Variants in XYLT1 observed in about 807,000 individuals in gnomAD.
XYLT1 encodes the protein beta-D-xylosyltransferase 1.
Under a neutral mutation model 91.3 loss-of-function variants are expected in XYLT1, and 36 were observed. The ratio of observed to expected loss-of-function variants is 0.39; its 90% confidence interval spans 0.30 to 0.52. The LOEUF is 0.52. Ranked by LOEUF, XYLT1 falls within the 20% of genes least tolerant of loss-of-function variation. The pLI is 0.68. For synonymous variants in XYLT1, 588 were observed against 532.0 expected (o/e 1.11, Z -1.45); for missense variants, 1,242 against 1,284.5 (o/e 0.97, Z 0.51).
At chr16:17,223,052 G>C (rs1052291325) in intron 3 of XYLT1, among the ~76,000 whole-genome samples, 16 of 145,584 alleles carry the variant, frequency 1.1e-4, no homozygotes, top group African/African-American at 3.8e-4. Context: ...AAAAAAAAAA[G>C]AAAGGCTGAC....
At chr16:17,468,159 C>T (rs751852665) in intron 1 of XYLT1, among the ~76,000 whole-genome samples, 4 of 152,118 alleles carry the variant, frequency 2.6e-5, no homozygotes, top group Admixed American at 2.0e-4. Context: ...CATGGAAGGG[C>T]AGGAACTGGG....
chr16:17,320,910 G>C (rs1269516181), intron 2 of XYLT1, among the ~76,000 whole-genome samples: 3 of 151,962 alleles, frequency 2.0e-5, no homozygotes, highest in East Asian at 3.9e-4. Context: ...AAAGGACTTC[G>C]GTAAAATATA....
chr16:17,412,222 G>T (rs2036118847), intron 1 of XYLT1, among the ~76,000 whole-genome samples: 3 of 152,028 alleles, frequency 2.0e-5, no homozygotes, highest in African/African-American at 7.2e-5. Context: ...GGTGCAGTTT[G>T]TTCTCACAGC....
At chr16:17,148,610 C>T (rs998966937) in intron 6 of XYLT1, among the ~76,000 whole-genome samples, 4 of 152,208 alleles carry the variant, frequency 2.6e-5, no homozygotes, top group African/African-American at 9.6e-5. Flanking sequence ...CCTTCTAACA[C>T]ACATTTAACA....
intron 2 of XYLT1, among the ~76,000 whole-genome samples, chr16:17,309,849 T>C (rs1161723056): frequency 3.3e-5 from 5 of 152,208 alleles, no homozygotes; most frequent in Non-Finnish European, 7.3e-5. Flanking sequence ...ATCATGCTTC[T>C]TGCTTGTGAA....
At chr16:17,197,898 T>C (rs1408451389) in intron 5 of XYLT1, 4 of 354,646 alleles carry the variant, frequency 1.1e-5, no homozygotes, top group Non-Finnish European at 1.5e-5. Flanking sequence ...TCTTTATATA[T>C]ACACCTATCC....
intron 2 of XYLT1, among the ~76,000 whole-genome samples, chr16:17,293,297 A>G (rs890756956): frequency 4.6e-5 from 7 of 152,084 alleles, no homozygotes; most frequent in African/African-American, 1.7e-4. Context: ...TTAACACCCA[A>G]CAACTAGTAT....
chr16:17,167,790 G>A (rs1325531357), intron 5 of XYLT1, among the ~76,000 whole-genome samples: 1 of 151,786 alleles, frequency 6.6e-6, no homozygotes, highest in Non-Finnish European at 1.5e-5. Flanking sequence ...TCTCGTGAAT[G>A]GATTCTAATT....
chr16:17,212,798 T>C (rs1329470928), intron 3 of XYLT1, among the ~76,000 whole-genome samples: 1 of 152,202 alleles, frequency 6.6e-6, no homozygotes, highest in Non-Finnish European at 1.5e-5. Context: ...GTGGGATAGA[T>C]ATTGACGGTG....
chr16:17,177,431 G>A (rs1283229933), intron 5 of XYLT1, among the ~76,000 whole-genome samples: 2 of 152,142 alleles, frequency 1.3e-5, no homozygotes, highest in African/African-American at 2.4e-5. Context: ...TCCTGACAAT[G>A]TCATGAAGAT....
chr16:17,374,179 G>T (rs2035568688), intron 1 of XYLT1, among the ~76,000 whole-genome samples: 1 of 152,196 alleles, frequency 6.6e-6, no homozygotes, highest in African/African-American at 2.4e-5. Flanking sequence ...AAGGCTCTGT[G>T]GTGGGAAGGC....
chr16:17,319,545 C>T (rs1337607492), intron 2 of XYLT1, among the ~76,000 whole-genome samples: 5 of 151,868 alleles, frequency 3.3e-5, no homozygotes, highest in South Asian at 2.1e-4. Flanking sequence ...CGGATTCAAG[C>T]GATTCTCATG....
chr16:17,325,675 G>A (rs1178233650), intron 2 of XYLT1, among the ~76,000 whole-genome samples: 2 of 152,002 alleles, frequency 1.3e-5, no homozygotes, highest in Non-Finnish European at 2.9e-5. Context: ...TCCAACCGTG[G>A]GAATATATTG....
chr16:17,125,910 G>C (rs1164176538), intron 10 of XYLT1, among the ~76,000 whole-genome samples: 2 of 152,070 alleles, frequency 1.3e-5, no homozygotes, highest in African/African-American at 4.8e-5. Context: ...TTATTTCCAA[G>C]TCAACAGCAT....
chr16:17,408,179 A>G, intron 1 of XYLT1, among the ~76,000 whole-genome samples: 1 of 152,330 alleles, frequency 6.6e-6, no homozygotes, highest in South Asian at 2.1e-4. Context: ...CAGAGCCTCA[A>G]TCACCTGCCC....
chr16:17,151,215 CAA>C (rs2141532323), intron 6 of XYLT1, among the ~76,000 whole-genome samples: 1 of 152,206 alleles, frequency 6.6e-6, no homozygotes, highest in East Asian at 1.9e-4. Flanking sequence ...CACTTGAGCT[CAA>C]GAGTTTGAGA....
intron 3 of XYLT1, among the ~76,000 whole-genome samples, chr16:17,208,706 G>A (rs769439898): frequency 6.6e-6 from 1 of 152,126 alleles, no homozygotes; most frequent in Admixed American, 6.5e-5. Flanking sequence ...TGCTCTACAT[G>A]GATAACATAT....
At chr16:17,130,458 TGA>T (rs1470234477) in intron 9 of XYLT1, among the ~76,000 whole-genome samples, 1 of 49,024 alleles carries the variant, frequency 2.0e-5, no homozygotes, top group Non-Finnish European at 4.1e-5. Flanking sequence ...AGTCAATCTT[TGA>T]TTACTTGCCT....
intron 8 of XYLT1, among the ~76,000 whole-genome samples, chr16:17,137,341 T>G (rs2141512673): frequency 6.6e-6 from 1 of 152,240 alleles, no homozygotes; most frequent in Admixed American, 6.5e-5. Context: ...ACAAACAGCA[T>G]CCCGCTCCAC....
Sources: allele counts gnomAD v4.1 joint callset (sites outside exome capture counted in the v4.1 genomes callset), GRCh38; gene constraint gnomAD v4.1.1; transcripts MANE v1.5; gene names NCBI Gene and HGNC (gene_info 2026-07-23, HGNC 2026-07-21).